CTPS2: variants seen among roughly 807,000 people sequenced by gnomAD.
CTPS2 encodes the protein CTP synthase 2.
A neutral mutation model predicts 46.8 loss-of-function variants in CTPS2; 19 were observed. The observed-to-expected ratio is 0.41, with a 90% CI of 0.28 to 0.60. The LOEUF (loss-of-function observed/expected upper bound fraction) is 0.60. Ranked by LOEUF, CTPS2 falls within the 20% of genes least tolerant of loss-of-function variation. The pLI, the probability that CTPS2 is intolerant of heterozygous loss-of-function variation, is 0.35. For missense variants in CTPS2, 286 were observed against 447.6 expected, an observed-to-expected ratio of 0.64 and a Z score of 3.26; for synonymous variants, 151 against 165.2, an observed-to-expected ratio of 0.91 and a Z score of 0.66.
Position 16,628,947 on chromosome X carries a change from C to A in CTPS2, c.1394-8615G>T, listed in dbSNP as rs187463398. On this transcript the variant is annotated intron_variant, in intron 14 of 18. Coordinates refer to ENST00000359276, the MANE Select transcript of CTPS2 (RefSeq NM_175859.3). ...ACACTTAAACAGTGCCTTTTCTGTG[C>A]CAGGCACTGTTCTAAGGGCTCCCGC... Among the ~76,000 whole-genome samples the A allele has an allele frequency of 3.5e-3, 387 of 112,003 alleles. 1 individual carries two copies. The highest frequency in any genetic ancestry group is 0.011 in the African/African-American group (354 of 30,816).
At chrX:16,597,847 G>C (rs1285838029) in intron 17 of CTPS2, among the ~76,000 whole-genome samples, 2 of 108,873 alleles carry the variant, frequency 1.8e-5, no homozygotes. Flanking sequence ...TCTTCCATTT[G>C]TTTGTATCCT....
chrX:16,663,835 A>AT (rs919468703), intron 13 of CTPS2, among the ~76,000 whole-genome samples: 6 of 109,933 alleles, frequency 5.5e-5, no homozygotes, highest in African/African-American at 9.9e-5. Flanking sequence ...GTAAAAAAAA[A>AT]TTTTTTTTCA....
intron 15 of CTPS2, among the ~76,000 whole-genome samples, chrX:16,619,201 G>T (rs1392912511): frequency 8.9e-6 from 1 of 112,171 alleles, no homozygotes; most frequent in African/African-American, 3.2e-5. Context: ...CTTCAAAACA[G>T]AGCCCTAGGC....
At position 16,674,642 on chromosome X, in the gene CTPS2, T is replaced by C. The variant is rs1381746980; in HGVS notation, c.1094+3720A>G. On this transcript the variant is annotated intron_variant, in intron 10 of 18. Coordinates refer to ENST00000359276, the MANE Select transcript of CTPS2 (RefSeq NM_175859.3). The stretch of plus-strand genomic sequence containing the variant: ...TCACGAGGTCAGGAGATCGAGACCA[T>C]CCTGGCTAACACGGTGAAACCCCGT... Among the ~76,000 whole-genome samples, 11 of 102,656 alleles carry C rather than the reference T, an allele frequency of 1.1e-4. No homozygotes were observed. In the South Asian group the frequency reaches 1.5e-3, roughly 14 times the overall value. The allele number at this position is 102,656 out of a possible 115,157, so 89.1% of individuals were successfully genotyped here.
At chrX:16,612,249 G>T (rs1450267434) in intron 16 of CTPS2, among the ~76,000 whole-genome samples, 1 of 112,148 alleles carries the variant, frequency 8.9e-6, no homozygotes, top group Non-Finnish European at 1.9e-5. Flanking sequence ...AAGCTTTGTT[G>T]TTCCTCTCAG....
chrX:16,669,945 C>T (rs937856809), intron 11 of CTPS2, among the ~76,000 whole-genome samples: 6 of 110,736 alleles, frequency 5.4e-5, no homozygotes, highest in East Asian at 2.8e-4. Flanking sequence ...TCAACTCGGC[C>T]GGGCACGGGG....
At chrX:16,644,713 A>AT (rs1932231621) in intron 13 of CTPS2, among the ~76,000 whole-genome samples, 2 of 112,186 alleles carry the variant, frequency 1.8e-5, no homozygotes, top group South Asian at 7.4e-4. Flanking sequence ...AACCCACTTT[A>AT]TATCTCTGAC....
At chrX:16,708,423 C>T (rs1328092207) in intron 1 of CTPS2, among the ~76,000 whole-genome samples, 1 of 111,558 alleles carries the variant, frequency 9.0e-6, no homozygotes, top group African/African-American at 3.3e-5. Context: ...ACCCACCTAT[C>T]TGACCTATGT....
intron 8 of CTPS2, 48 bp from the exon 9 acceptor site, chrX:16,683,274 C>T: frequency 8.5e-7 from 1 of 1,170,990 alleles, no homozygotes; most frequent in Middle Eastern, 2.4e-4. Flanking sequence ...AACAGAACAT[C>T]ACAAACAGAA....
At chrX:16,648,849 G>A (rs992919921) in intron 13 of CTPS2, among the ~76,000 whole-genome samples, 2 of 112,111 alleles carry the variant, frequency 1.8e-5, no homozygotes, top group African/African-American at 6.5e-5. Context: ...TGTAAATAAG[G>A]CCCTAGAATT....
intron 9 of CTPS2, 57 bp from the exon 10 acceptor site, chrX:16,678,507 A>T: frequency 2.8e-6 from 2 of 712,865 alleles, no homozygotes; most frequent in Non-Finnish European, 4.4e-6. Flanking sequence ...ACTCAAAAAT[A>T]CTGCAGCCAT....
At chrX:16,693,576 G>A (rs1020836211) in intron 4 of CTPS2, 89 bp from the exon 5 acceptor site, 23 of 593,660 alleles carry the variant, frequency 3.9e-5, no homozygotes, top group Non-Finnish European at 5.5e-5. Flanking sequence ...TTAATAAACC[G>A]AGCATGAGAA....
intron 17 of CTPS2, among the ~76,000 whole-genome samples, chrX:16,601,147 A>C (rs769413689): frequency 1.8e-5 from 2 of 111,759 alleles, no homozygotes; most frequent in Non-Finnish European, 3.8e-5. Context: ...AGTGATTCCA[A>C]GTTTGAAACA....
chrX:16,633,450 T>C (rs191399542), intron 14 of CTPS2, among the ~76,000 whole-genome samples: 109 of 111,847 alleles, frequency 9.7e-4, no homozygotes, highest in Non-Finnish European at 2.0e-3. Flanking sequence ...GAATATTATT[T>C]CATGCCACAT....
At chrX:16,607,541 T>C (rs1329248176) in intron 17 of CTPS2, among the ~76,000 whole-genome samples, 1 of 112,876 alleles carries the variant, frequency 8.9e-6, no homozygotes, top group African/African-American at 3.2e-5. Flanking sequence ...TGAACATCAA[T>C]ACAGTAAGAT....
At chrX:16,682,450 AC>A (rs1162074685) in intron 9 of CTPS2, among the ~76,000 whole-genome samples, 1 of 112,148 alleles carries the variant, frequency 8.9e-6, no homozygotes, top group Non-Finnish European at 1.9e-5. Context: ...ATGCCACTGC[AC>A]ACCAACCTGG....
chrX:16,650,263 T>C (rs1420529061), intron 13 of CTPS2: 1 of 111,497 alleles, frequency 9.0e-6, no homozygotes, highest in Non-Finnish European at 1.9e-5. Flanking sequence ...CTCTGCTTCC[T>C]TTTAGAATGG....
At chrX:16,629,879 T>G (rs1328735273) in intron 14 of CTPS2, among the ~76,000 whole-genome samples, 3 of 112,455 alleles carry the variant, frequency 2.7e-5, no homozygotes, top group Non-Finnish European at 5.6e-5. Flanking sequence ...ACTTTTTCCC[T>G]TACATTAAAG....
At chrX:16,611,213 G>A (rs1329648941) in intron 16 of CTPS2, among the ~76,000 whole-genome samples, 1 of 111,941 alleles carries the variant, frequency 8.9e-6, no homozygotes, top group African/African-American at 3.2e-5. Flanking sequence ...CACTCTGGGA[G>A]GCCAAGGTGG....
Sources: gnomAD v4.1 joint callset for allele counts (sites outside exome capture counted in the v4.1 genomes callset) on GRCh38, gnomAD v4.1.1 for gene constraint, MANE v1.5 for transcripts, NCBI Gene and HGNC (gene_info 2026-07-23, HGNC 2026-07-21) for gene names.